The following SCG5 variants were observed in gnomAD, a reference collection of about 807,000 sequenced individuals.
SCG5 encodes secretogranin V.
Under a neutral mutation model 25.7 loss-of-function variants are expected in SCG5, and 18 were observed. That is an observed-to-expected ratio of 0.70 (90% CI 0.48 to 1.04). The LOEUF is 1.04. Ranked by LOEUF, SCG5 falls within the 50% of genes least tolerant of loss-of-function variation. SCG5 has a pLI of 0.00. For missense variants in SCG5, 206 were observed against 259.8 expected, an observed-to-expected ratio of 0.79 and a Z score of 1.42; for synonymous variants, 101 against 91.7, an observed-to-expected ratio of 1.10 and a Z score of -0.58.
chr15:32,650,392 C>T (rs1212260723), intron 2 of SCG5, among the ~76,000 whole-genome samples: 4 of 152,342 alleles, frequency 2.6e-5, no homozygotes, highest in East Asian at 1.9e-4. Context: ...TGAGCCACCA[C>T]GCCCGGCGCC....
At position 32,679,822 on chromosome 15, in the gene SCG5, G is replaced by A. The variant is rs762756494; in HGVS notation, c.283G>A (p.Val95Met). The change falls in exon 3 of 6, where the codon GTG becomes ATG. Residue 95 changes from valine to methionine, a missense_variant. Val to Met is a conservative substitution (Grantham distance 21). Transcript: ENST00000300175. Reference protein sequence around the residue: ...LGPFGNIPNIVAELTGDNIPK... With the variant: ...LGPFGNIPNIMAELTGDNIPK... ...TCCTTTTGGCAACATCCCCAACATC[G>A]TGGCAGAGTTGACTGGAGACAACAT... 38 of 1,613,796 alleles carry A rather than the reference G, an allele frequency of 2.4e-5. 3 individuals are homozygous for A. The South Asian group carries it at 3.6e-4, about 15-fold the overall frequency.
intron 4 of SCG5, among the ~76,000 whole-genome samples, chr15:32,687,817 C>T (rs8043234): frequency 0.13 from 19,957 of 152,076 alleles, 1,780 homozygotes; most frequent in East Asian, 0.43. Context: ...CATTTATTAA[C>T]GACACATCAT....
At chr15:32,674,791 A>G (rs2054502733) in intron 2 of SCG5, among the ~76,000 whole-genome samples, 1 of 152,232 alleles carries the variant, frequency 6.6e-6, no homozygotes, top group East Asian at 1.9e-4. Context: ...AGGGATACGT[A>G]CAGAAGGGAG....
intron 2 of SCG5, chr15:32,677,716 T>G (rs1389865408): frequency 6.6e-6 from 1 of 152,192 alleles, no homozygotes; most frequent in African/African-American, 2.4e-5. Context: ...GAACTGTGAG[T>G]GTGGGGCTCC....
At chr15:32,647,964 C>T (rs1438155902) in intron 2 of SCG5, among the ~76,000 whole-genome samples, 2 of 152,094 alleles carry the variant, frequency 1.3e-5, no homozygotes, top group Non-Finnish European at 2.9e-5. Flanking sequence ...ATTCTCTTGA[C>T]TCTCAATCCA....
chr15:32,657,209 A>ATATATATATATATATGTATG, intron 2 of SCG5, among the ~76,000 whole-genome samples: 2,803 of 38,624 alleles, frequency 0.073, 865 homozygotes, highest in South Asian at 0.16. Context: ...GTATATATAT[A>ATATATATATATATATGTATG]TATGTATGTA....
chr15:32,694,448 G>A (rs2054918241), intron 5 of SCG5, among the ~76,000 whole-genome samples: 1 of 152,108 alleles, frequency 6.6e-6, no homozygotes, highest in African/African-American at 2.4e-5. Flanking sequence ...CTCTTAAGCT[G>A]TATCTTGTTA....
intron 1 of SCG5, among the ~76,000 whole-genome samples, chr15:32,642,996 T>C (rs918652083): frequency 6.6e-6 from 1 of 152,088 alleles, no homozygotes. Context: ...CAAACAAACC[T>C]CAAACTACCC....
At chr15:32,691,940 G>C in intron 5 of SCG5, 177 bp downstream of exon 5, 1 of 1,450,958 alleles carries the variant, frequency 6.9e-7, no homozygotes, top group African/African-American at 1.4e-5. Context: ...TGGTTTCTGC[G>C]ATGGCTTCCC....
chr15:32,647,863 C>G (rs897208727), intron 2 of SCG5, among the ~76,000 whole-genome samples: 1 of 152,198 alleles, frequency 6.6e-6, no homozygotes, highest in African/African-American at 2.4e-5. Flanking sequence ...ACAGGTTTCT[C>G]TGGCGGCCTT....
Position 32,643,783 on chromosome 15 carries a change from A to C in SCG5, c.191A>C (p.Gln64Pro). Reference protein sequence around the residue: ...ARPRVEYPAHQAMNLVGPQSI... With the variant: ...ARPRVEYPAHPAMNLVGPQSI... ...CCCCGAGTGGAATATCCAGCTCACC[A>C]GGCCATGAATCTTGTGGGCCCCCAG... Residue 64 changes from glutamine (Q) to proline (P), a missense_variant, in exon 2 of 6, where the codon CAG (glutamine) becomes CCG (proline). By Grantham distance (76) the Gln-to-Pro change is moderately conservative (BLOSUM62 -1). Transcript: ENST00000300175. The C allele has an allele frequency of 6.2e-7, 1 of 1,613,922 alleles. No individual in the cohort carries two copies. The highest frequency in any genetic ancestry group is 8.5e-7 in the Non-Finnish European group (1 of 1,179,898).
Position 32,693,956 on chromosome 15 carries a change from A to G in SCG5, c.543+2193A>G, listed in dbSNP as rs140588706. ...GAAACCCCATCTCTACTAAAAGTAC[A>G]AAAATTAGCCGGGCGTGGTGGTATG... is the stretch of plus-strand genomic sequence containing the variant. On this transcript the variant is annotated intron_variant, in intron 5 of 5. Transcript: ENST00000300175. 5.0e-3 allele frequency among the ~76,000 whole-genome samples: 768 copies of G among 152,258 alleles called. 11 individuals are homozygous for G. Among genetic ancestry groups the G allele is most frequent in the African/African-American group, 0.018 (743 of 41,528 alleles).
intron 2 of SCG5, among the ~76,000 whole-genome samples, chr15:32,670,441 T>C (rs8041254): frequency 0.65 from 98,567 of 152,174 alleles, 32,115 homozygotes; most frequent in African/African-American, 0.72. Context: ...CCTTTGTTTT[T>C]CTCAATTACC....
chr15:32,671,074 C>T (rs909050532), intron 2 of SCG5, among the ~76,000 whole-genome samples: 4 of 152,196 alleles, frequency 2.6e-5, no homozygotes, highest in African/African-American at 4.8e-5. Context: ...ATGTTATCCC[C>T]GGGTTAAAAG....
At chr15:32,683,417 A>G (rs564506358) in intron 3 of SCG5, among the ~76,000 whole-genome samples, 2 of 152,328 alleles carry the variant, frequency 1.3e-5, no homozygotes, top group South Asian at 2.1e-4. Flanking sequence ...TTTTTAGAGC[A>G]TCATGCCTAG....
chr15:32,692,255 C>CT (rs1401708542), intron 5 of SCG5: 74 of 988,038 alleles, frequency 7.5e-5, no homozygotes, highest in African/African-American at 5.4e-4. Context: ...TCCTATGTAT[C>CT]TTTTTTTCTT....
intron 5 of SCG5, among the ~76,000 whole-genome samples, chr15:32,694,966 T>C (rs1048586929): frequency 6.6e-6 from 1 of 152,146 alleles, no homozygotes; most frequent in Non-Finnish European, 1.5e-5. Context: ...GGATTGAGCA[T>C]GCAACAGGGA....
At chr15:32,689,082 G>C (rs1203604155) in intron 4 of SCG5, among the ~76,000 whole-genome samples, 1 of 152,042 alleles carries the variant, frequency 6.6e-6, no homozygotes, top group Non-Finnish European at 1.5e-5. Flanking sequence ...ATGCTTACCA[G>C]ATTCAATAAT....
chr15:32,642,648 TGG>T (rs1357878571), intron 1 of SCG5, among the ~76,000 whole-genome samples: 1 of 148,770 alleles, frequency 6.7e-6, no homozygotes, highest in Non-Finnish European at 1.5e-5. Flanking sequence ...TAAGCAGCTG[TGG>T]GGTAAGCTGC....
Sources: allele counts gnomAD v4.1 joint callset (sites outside exome capture counted in the v4.1 genomes callset), GRCh38; gene constraint gnomAD v4.1.1; transcripts MANE v1.5; gene names NCBI Gene and HGNC (gene_info 2026-07-23, HGNC 2026-07-21).